CYBRD1: variants seen among roughly 807,000 people sequenced by gnomAD.
CYBRD1 encodes plasma membrane ascorbate-dependent reductase CYBRD1.
A neutral mutation model predicts 21.9 loss-of-function variants in CYBRD1; 14 were observed. That is an observed-to-expected ratio of 0.64 (90% CI 0.42 to 1.00). The LOEUF is 1.00. CYBRD1 is among the 50% of genes least tolerant of loss of function. CYBRD1 has a pLI of 0.00. For synonymous variants in CYBRD1, 146 were observed against 136.5 expected (o/e 1.07, Z -0.48); for missense variants, 328 against 352.5 (o/e 0.93, Z 0.56).
In CYBRD1 at chr2:171,553,415, A is replaced by G. The variant is rs754505258; in HGVS notation, c.472A>G (p.Ile158Val). The part of the protein sequence containing the change: ...PLSLRAFLMP[I>V]HVYSGIVIFG... ...TTCTCTCCGAGCATTTCTCATGCCC[A>G]TACATGTTTATTCTGGAATTGTCAT... Residue 158 changes from isoleucine (I) to valine (V), a missense_variant, in exon 3 of 4, where the codon ATA becomes GTA. By Grantham distance (29) the Ile-to-Val change is conservative. Coordinates refer to ENST00000321348, the MANE Select transcript of CYBRD1 (RefSeq NM_024843.4). The G allele has an allele frequency of 2.5e-6, 4 of 1,613,624 alleles. No homozygotes were observed. Among genetic ancestry groups the G allele is most frequent in the South Asian group, 2.2e-5 (2 of 91,078 alleles).
At chr2:171,529,206 G>T (rs976499564) in intron 1 of CYBRD1, among the ~76,000 whole-genome samples, 1 of 152,140 alleles carries the variant, frequency 6.6e-6, no homozygotes, top group Non-Finnish European at 1.5e-5. Flanking sequence ...ACCCACCAGG[G>T]TGTCTTTCTG....
chr2:171,522,588 T>A lies in CYBRD1; in HGVS notation c.43T>A (p.Ser15Thr), dbSNP rs1454144565. The change falls in exon 1 of 4, where the codon TCG becomes ACG. Residue 15 changes from serine (S) to threonine (T), a missense_variant. Ser to Thr is a moderately conservative substitution (Grantham distance 58, BLOSUM62 1). Transcript: ENST00000321348. This position sits in a 1 kb window ranked among gnomAD's most constrained non-coding sequence, Gnocchi z 4.3. ...CTGGCGCTTCCTGGCGCTGCTGGGG[T>A]CGGCACTGCTCGTCGGCTTCCTGTC... ...GYWRFLALLG[S>T]ALLVGFLSVI... The A allele has an allele frequency of 1.3e-5, 21 of 1,609,890 alleles. No individual in the cohort carries two copies. The highest frequency in any genetic ancestry group is 1.8e-5 in the Non-Finnish European group (21 of 1,178,760).
At chr2:171,549,577 AC>A (rs1434973136) in intron 2 of CYBRD1, among the ~76,000 whole-genome samples, 2 of 152,232 alleles carry the variant, frequency 1.3e-5, no homozygotes, top group African/African-American at 2.4e-5. Flanking sequence ...AAATAAAAAA[AC>A]AAAAAATGAA....
chr2:171,553,660 C>T (rs538394234), intron 3 of CYBRD1, among the ~76,000 whole-genome samples, 160 bp downstream of exon 3: 23 of 152,072 alleles, frequency 1.5e-4, no homozygotes, highest in Admixed American at 1.2e-3. Flanking sequence ...TATGATATTA[C>T]TAAAAGTTTA....
intron 1 of CYBRD1, among the ~76,000 whole-genome samples, chr2:171,538,999 T>C (rs1697588609): frequency 6.6e-6 from 1 of 152,110 alleles, no homozygotes; most frequent in Non-Finnish European, 1.5e-5. Flanking sequence ...GGCTTCATTA[T>C]GTTGGCCAGG....
chr2:171,522,835 G>C lies in CYBRD1; in HGVS notation c.193+97G>C. ...AGCCCCTTCCAGCTGAGGAAGTGCTGGAGGATCGCGGGGCCCGGAGGAGTG... is the reference window on the plus strand; with the variant it reads ...AGCCCCTTCCAGCTGAGGAAGTGCTCGAGGATCGCGGGGCCCGGAGGAGTG... On this transcript the variant is annotated intron_variant, in intron 1 of 3. Coordinates refer to ENST00000321348, the MANE Select transcript of CYBRD1 (RefSeq NM_024843.4). This position sits in a 1 kb window ranked among gnomAD's most constrained non-coding sequence, Gnocchi z 4.3. The C allele has an allele frequency of 6.4e-7, 1 of 1,559,836 alleles. No homozygotes were observed.
chr2:171,536,966 AAAC>A (rs1021420370), intron 1 of CYBRD1, among the ~76,000 whole-genome samples: 1 of 152,238 alleles, frequency 6.6e-6, no homozygotes, highest in Non-Finnish European at 1.5e-5. Flanking sequence ...GATAACAAAA[AAAC>A]AACAATATTA....
intron 1 of CYBRD1, among the ~76,000 whole-genome samples, chr2:171,523,644 C>A (rs1697344555): frequency 6.6e-6 from 1 of 152,176 alleles, no homozygotes; most frequent in African/African-American, 2.4e-5. Context: ...GGCGAGCCAG[C>A]CCCGGGCCTG....
chr2:171,541,864 T>TC, intron 2 of CYBRD1, 71 bp downstream of exon 2: 5 of 815,988 alleles, frequency 6.1e-6, no homozygotes, highest in Non-Finnish European at 8.5e-6. Context: ...TTCTTTTCTT[T>TC]TTTTTTTTTT....
chr2:171,538,306 G>C (rs528722579), intron 1 of CYBRD1, among the ~76,000 whole-genome samples: 8 of 152,212 alleles, frequency 5.3e-5, no homozygotes, highest in African/African-American at 1.9e-4. Flanking sequence ...TTATGGAGGA[G>C]CTACATGCTT....
intron 1 of CYBRD1, among the ~76,000 whole-genome samples, chr2:171,536,389 C>T (rs1697546278): frequency 6.6e-6 from 1 of 152,152 alleles, no homozygotes; most frequent in Non-Finnish European, 1.5e-5. Flanking sequence ...GCTGCAACCT[C>T]CGCCTCCCGG....
Position 171,522,631 on chromosome 2 carries a change from T to C in CYBRD1, c.86T>C (p.Val29Ala). 1 of 1,613,210 alleles carries C rather than the reference T, an allele frequency of 6.2e-7. No homozygotes were observed. Among genetic ancestry groups the C allele is most frequent in the Non-Finnish European group, 8.5e-7 (1 of 1,179,888 alleles). ...VGFLSVIFAL[V>A]WVLHYREGLG... ...TTCCTGTCGGTGATCTTCGCCCTCG[T>C]CTGGGTCCTCCACTACCGAGAGGGG... is the stretch of plus-strand genomic sequence containing the variant. The change falls in exon 1 of 4, where the codon GTC becomes GCC. Residue 29 changes from valine (V) to alanine (A), a missense_variant. Physicochemically the swap from Val to Ala is moderately conservative, Grantham distance 64 (BLOSUM62 0). Transcript: ENST00000321348. This position sits in a 1 kb window ranked among gnomAD's most constrained non-coding sequence, Gnocchi z 4.3.
Position 171,554,512 on chromosome 2 carries a change from C to T in CYBRD1, c.558-12C>T, listed in dbSNP as rs371143016. The T allele has an allele frequency of 6.2e-7, 1 of 1,613,328 alleles. No homozygotes were observed. Among genetic ancestry groups the T allele is most frequent in the East Asian group, 2.2e-5 (1 of 44,878 alleles). On this transcript the variant is annotated splice_polypyrimidine_tract_variant and intron_variant, in intron 3 of 3. Transcript: ENST00000321348. ...ATCCTGTTTGTAATTGGATACATCT[C>T]TTATTTCATAGGAGAGATCCTGCAT...
chr2:171,554,426 AACTGT>A, intron 3 of CYBRD1, 93 bp from the exon 4 acceptor site: 1 of 1,206,606 alleles, frequency 8.3e-7, no homozygotes, highest in Admixed American at 2.0e-5. Flanking sequence ...TTTACATTGA[AACTGT>A]ACTAGTGTGC....
intron 1 of CYBRD1, among the ~76,000 whole-genome samples, chr2:171,540,215 A>G (rs530881679): frequency 1.3e-5 from 2 of 152,194 alleles, no homozygotes; most frequent in African/African-American, 2.4e-5. Context: ...GACTTTTCCA[A>G]TGCAGAGATG....
At chr2:171,535,915 C>T (rs962821263) in intron 1 of CYBRD1, among the ~76,000 whole-genome samples, 2 of 152,136 alleles carry the variant, frequency 1.3e-5, no homozygotes, top group African/African-American at 2.4e-5. Context: ...GCTGGGATTA[C>T]AAGCATGAGC....
chr2:171,537,807 C>A (rs970219723), intron 1 of CYBRD1, among the ~76,000 whole-genome samples: 12 of 152,044 alleles, frequency 7.9e-5, no homozygotes, highest in Non-Finnish European at 1.6e-4. Flanking sequence ...CTAGAGTTAA[C>A]AATAATATGC....
chr2:171,542,750 G>A lies in CYBRD1; in HGVS notation c.402+957G>A, dbSNP rs180975919. Among the ~76,000 whole-genome samples, 5 of 152,186 alleles carry A rather than the reference G, an allele frequency of 3.3e-5. No individual in the cohort carries two copies. The East Asian group carries it at 9.7e-4, about 29-fold the overall frequency. Reference sequence around the variant, plus strand: ...ACAAAAATTAGCTGGGCAGGGTGGTGCACACCTGTTGTCCTGGCTACTTGG... The same window carrying A: ...ACAAAAATTAGCTGGGCAGGGTGGTACACACCTGTTGTCCTGGCTACTTGG... On this transcript the variant is annotated intron_variant, in intron 2 of 3. Transcript: ENST00000321348.
chr2:171,522,496 C>T lies in CYBRD1; in HGVS notation c.-50C>T. The T allele has an allele frequency of 6.4e-7, 1 of 1,555,192 alleles. No homozygotes were observed. The highest frequency in any genetic ancestry group is 1.2e-5 in the South Asian group (1 of 84,614). ...CCGGCCACTACCCAGAGGGCTGCCG[C>T]CGCCTCTCCAAGTTCTTGTGGCCCC... is the stretch of plus-strand genomic sequence containing the variant. On this transcript the variant is annotated 5_prime_UTR_variant, in exon 1 of 4. Coordinates refer to ENST00000321348, the MANE Select transcript of CYBRD1 (RefSeq NM_024843.4). The surrounding 1 kb of genome is among the most constrained non-coding windows in gnomAD (Gnocchi z 4.3).
Sources: allele counts gnomAD v4.1 joint callset (sites outside exome capture counted in the v4.1 genomes callset), GRCh38; gene constraint gnomAD v4.1.1; non-coding constraint Gnocchi (gnomAD v3.1); transcripts MANE v1.5; gene names NCBI Gene and HGNC (gene_info 2026-07-23, HGNC 2026-07-21).